The following ASCC3 variants were observed in gnomAD, a reference collection of about 807,000 sequenced individuals.
ASCC3 encodes the protein activating signal cointegrator 1 complex subunit 3, also known as ASC-1 complex subunit P200.
ASCC3 carries 158 observed loss-of-function variants against 256.3 expected under a neutral mutation model. The ratio of observed to expected loss-of-function variants is 0.62; its 90% confidence interval spans 0.54 to 0.70. The LOEUF (loss-of-function observed/expected upper bound fraction) is 0.70, where lower values mean the gene tolerates loss of function less well. Ranked by LOEUF, ASCC3 falls within the 30% of genes least tolerant of loss-of-function variation. The pLI, the probability that ASCC3 is intolerant of heterozygous loss-of-function variation, is 0.00. For synonymous variants in ASCC3, 948 were observed against 883.4 expected (o/e 1.07, Z -1.30); for missense variants, 2,259 against 2,626.0 (o/e 0.86, Z 3.05).
intron 36 of ASCC3, among the ~76,000 whole-genome samples, chr6:100,571,802 G>C (rs1231005332): frequency 6.6e-6 from 1 of 152,158 alleles, no homozygotes; most frequent in Non-Finnish European, 1.5e-5. Context: ...TTAGTGAATT[G>C]ACTAGATGAT....
At position 100,671,292 on chromosome 6, in the gene ASCC3, A is replaced by T. The variant is rs994236641; in HGVS notation, c.2286+8326T>A. 2.6e-5 allele frequency among the ~76,000 whole-genome samples: 4 copies of T among 152,184 alleles called. No homozygotes were observed. The East Asian group carries it at 7.7e-4, about 29-fold the overall frequency. ...CTGCTGCTTTCTAAAGCATCAGAAA[A>T]ATCACTGCTTTTTCTACTCGGTTCT... On this transcript the variant is annotated intron_variant, in intron 14 of 41. Transcript: ENST00000369162.
chr6:100,516,257 T>A lies in ASCC3; in HGVS notation c.5998A>T (p.Ile2000Phe), dbSNP rs1195193451. 1.2e-6 allele frequency: 2 copies of A among 1,613,654 alleles called. No homozygotes were observed. The highest frequency in any genetic ancestry group is 2.7e-5 in the African/African-American group (2 of 74,866). The change falls in exon 39 of 42, where the codon ATC becomes TTC. Residue 2000 changes from isoleucine (I) to phenylalanine (F), a missense_variant. Physicochemically the swap from Ile to Phe is conservative, Grantham distance 21. Transcript: ENST00000369162. ...TGGTCTTTCCCTCCACAGGCATGGA[T>A]CAGTTCAGGAAGGGACTCGATGGAG... ...RTSIESLPEL[I>F]HACGGKDHVF...
At chr6:100,513,662 C>T (rs1244324723) in intron 39 of ASCC3, among the ~76,000 whole-genome samples, 1 of 152,044 alleles carries the variant, frequency 6.6e-6, no homozygotes, top group Non-Finnish European at 1.5e-5. Flanking sequence ...CATCATCATA[C>T]TGAGAATACC....
chr6:100,787,324 G>A (rs951822560), intron 8 of ASCC3, among the ~76,000 whole-genome samples: 1 of 151,476 alleles, frequency 6.6e-6, no homozygotes, highest in Admixed American at 6.6e-5. Context: ...GAAATACATA[G>A]GTATAAATTT....
intron 14 of ASCC3, among the ~76,000 whole-genome samples, chr6:100,667,075 A>C (rs1265207371): frequency 6.6e-6 from 1 of 152,206 alleles, no homozygotes; most frequent in Non-Finnish European, 1.5e-5. Context: ...GTTATTTATG[A>C]CATGATATTG....
chr6:100,860,157 T>C (rs976529357), intron 3 of ASCC3, among the ~76,000 whole-genome samples: 22 of 151,400 alleles, frequency 1.5e-4, no homozygotes, highest in African/African-American at 5.4e-4. Flanking sequence ...AGTCTTGACT[T>C]CTTTATTTTA....
At chr6:100,712,494 T>C (rs919716758) in intron 13 of ASCC3, among the ~76,000 whole-genome samples, 3 of 152,102 alleles carry the variant, frequency 2.0e-5, no homozygotes, top group Non-Finnish European at 4.4e-5. Flanking sequence ...GATGGGCAAA[T>C]GTCAAGCATA....
chr6:100,867,973 C>T lies in ASCC3; in HGVS notation c.25G>A (p.Ala9Thr). Residue 9 changes from alanine (A) to threonine (T), a missense_variant, in exon 2 of 42, where the codon GCC becomes ACC. By Grantham distance (58) the Ala-to-Thr change is moderately conservative. This residue lies in a region of ASCC3 where 420 missense variants were observed against 419.3 expected (regional missense o/e 1.00). Coordinates refer to ENST00000369162, the MANE Select transcript of ASCC3 (RefSeq NM_006828.4). MALPRLTGALRSFSNVTKQ... is the reference protein window; with the variant it reads MALPRLTGTLRSFSNVTKQ... Reference sequence around the variant, plus strand: ...GTGACATTTGAAAAGGAACGCAAGGCTCCTGTGAGACGAGGTAAAGCCATC... The same window carrying T: ...GTGACATTTGAAAAGGAACGCAAGGTTCCTGTGAGACGAGGTAAAGCCATC... 1 of 1,613,756 alleles carries T rather than the reference C, an allele frequency of 6.2e-7. No individual in the cohort carries two copies. Among genetic ancestry groups the T allele is most frequent in the Non-Finnish European group, 8.5e-7 (1 of 1,179,748 alleles).
intron 8 of ASCC3, among the ~76,000 whole-genome samples, chr6:100,778,744 AATC>A (rs1782311991): frequency 6.6e-6 from 1 of 152,170 alleles, no homozygotes; most frequent in African/African-American, 2.4e-5. Context: ...TTTAAAATCT[AATC>A]ATGCAACAGC....
chr6:100,768,516 T>G (rs888142872), intron 8 of ASCC3, among the ~76,000 whole-genome samples: 5 of 152,108 alleles, frequency 3.3e-5, no homozygotes, highest in African/African-American at 1.2e-4. Context: ...AAGAGGTAAA[T>G]TAATCAACAC....
At chr6:100,516,946 C>A (rs1480624875) in intron 38 of ASCC3, among the ~76,000 whole-genome samples, 2 of 151,942 alleles carry the variant, frequency 1.3e-5, no homozygotes, top group African/African-American at 2.4e-5. Flanking sequence ...GTGGTAGTAC[C>A]CTAATGTGCG....
intron 26 of ASCC3, among the ~76,000 whole-genome samples, chr6:100,629,938 C>T (rs994089862): frequency 6.6e-6 from 1 of 151,820 alleles, no homozygotes; most frequent in Non-Finnish European, 1.5e-5. Context: ...CATTTTGTCA[C>T]CAAGGCTAGA....
At chr6:100,626,634 A>C (rs2114856696) in intron 29 of ASCC3, among the ~76,000 whole-genome samples, 1 of 152,240 alleles carries the variant, frequency 6.6e-6, no homozygotes, top group African/African-American at 2.4e-5. Context: ...ATATATTATG[A>C]AAAATAAACT....
intron 3 of ASCC3, chr6:100,856,724 C>T (rs1772960532): frequency 1.3e-5 from 2 of 152,062 alleles, no homozygotes; most frequent in African/African-American, 2.4e-5. Flanking sequence ...TTAATGGAAT[C>T]ATAATATGTG....
At chr6:100,826,208 C>T (rs942076324) in intron 4 of ASCC3, among the ~76,000 whole-genome samples, 34 of 151,874 alleles carry the variant, frequency 2.2e-4, no homozygotes, top group African/African-American at 6.3e-4. Flanking sequence ...CTTGGCTCAC[C>T]GCAACCTCTG....
At chr6:100,843,385 C>A (rs1437453877) in intron 4 of ASCC3, among the ~76,000 whole-genome samples, 1 of 152,130 alleles carries the variant, frequency 6.6e-6, no homozygotes, top group East Asian at 1.9e-4. Flanking sequence ...ATAATACTAA[C>A]GGCAAATGTC....
chr6:100,805,611 T>C, intron 5 of ASCC3, 149 bp downstream of exon 5: 4 of 1,005,444 alleles, frequency 4.0e-6, no homozygotes, highest in Non-Finnish European at 5.7e-6. Flanking sequence ...TTTTTCATAA[T>C]ATGCCATATC....
chr6:100,626,716 AATC>A (rs1388343439), intron 29 of ASCC3, among the ~76,000 whole-genome samples: 1 of 152,088 alleles, frequency 6.6e-6, no homozygotes, highest in Non-Finnish European at 1.5e-5. Context: ...AGCTTTGATA[AATC>A]ATATTAGAGA....
intron 3 of ASCC3, among the ~76,000 whole-genome samples, chr6:100,851,284 T>C (rs183445986): frequency 6.6e-6 from 1 of 152,290 alleles, no homozygotes; most frequent in African/African-American, 2.4e-5. Context: ...ACAAAATAAA[T>C]TTTAAAAATA....
Sources: gnomAD v4.1 joint callset for allele counts (sites outside exome capture counted in the v4.1 genomes callset) on GRCh38, gnomAD v4.1.1 for gene constraint, gnomAD v4.1.1 regional missense constraint, MANE v1.5 for transcripts, NCBI Gene and HGNC (gene_info 2026-07-23, HGNC 2026-07-21) for gene names.